MED27: variants seen among roughly 807,000 people sequenced by gnomAD.
MED27 encodes mediator complex subunit 27.
MED27 carries 30 observed loss-of-function variants against 38.2 expected under a neutral mutation model. The observed-to-expected ratio is 0.79, with a 90% confidence interval of 0.59 to 1.07. The LOEUF is 1.07. MED27 is among the 50% of genes least tolerant of loss of function. The pLI is 0.00. For synonymous variants in MED27, 122 were observed against 153.5 expected, an observed-to-expected ratio of 0.79 and a Z score of 1.52; for missense variants, 289 against 397.5, an observed-to-expected ratio of 0.73 and a Z score of 2.32.
At chr9:132,065,293 G>A (rs1213487150) in intron 2 of MED27, among the ~76,000 whole-genome samples, 3 of 152,188 alleles carry the variant, frequency 2.0e-5, no homozygotes, top group Admixed American at 1.3e-4. Flanking sequence ...AGTAATCAGT[G>A]AAGCCTACTG....
chr9:131,899,422 T>C (rs1042909413), intron 4 of MED27, among the ~76,000 whole-genome samples: 4 of 152,150 alleles, frequency 2.6e-5, no homozygotes, highest in African/African-American at 9.7e-5. Flanking sequence ...GGTGGCCATT[T>C]GGTGTGCAAA....
chr9:131,932,036 G>A (rs1257236046), intron 4 of MED27, among the ~76,000 whole-genome samples: 8 of 151,970 alleles, frequency 5.3e-5, no homozygotes, highest in Non-Finnish European at 1.2e-4. Flanking sequence ...AATGACTGCA[G>A]AACACATATT....
At chr9:132,010,151 C>A (rs1832453351) in intron 3 of MED27, among the ~76,000 whole-genome samples, 1 of 152,310 alleles carries the variant, frequency 6.6e-6, no homozygotes, top group African/African-American at 2.4e-5. Context: ...ATGCCTATGT[C>A]CTGAATGGTA....
At chr9:131,907,846 TGTG>T (rs1830100210) in intron 4 of MED27, among the ~76,000 whole-genome samples, 1 of 142,212 alleles carries the variant, frequency 7.0e-6, no homozygotes, top group Non-Finnish European at 1.5e-5. Flanking sequence ...TCGTCTGAGA[TGTG>T]GGGAGCGCCT....
chr9:131,902,332 G>A (rs941575425), intron 4 of MED27, among the ~76,000 whole-genome samples: 1 of 152,110 alleles, frequency 6.6e-6, no homozygotes, highest in Admixed American at 6.5e-5. Flanking sequence ...GCGGCAGCAA[G>A]GGGGATGAGG....
intron 2 of MED27, among the ~76,000 whole-genome samples, chr9:132,044,631 T>C (rs946625635): frequency 6.6e-6 from 1 of 152,248 alleles, no homozygotes; most frequent in Non-Finnish European, 1.5e-5. Flanking sequence ...CTTAACTGCT[T>C]TGCAGTTGGA....
intron 6 of MED27, chr9:131,869,045 C>T (rs1838783274): frequency 1.0e-6 from 1 of 985,444 alleles, no homozygotes. Context: ...TCAAAAAGTC[C>T]AGTATAAAGC....
intron 2 of MED27, among the ~76,000 whole-genome samples, chr9:132,074,915 G>A (rs141777417): frequency 1.4e-4 from 21 of 152,268 alleles, no homozygotes; most frequent in South Asian, 8.3e-4. Flanking sequence ...GCTGCCTAGC[G>A]CCAGAACAGA....
intron 2 of MED27, among the ~76,000 whole-genome samples, chr9:132,053,261 A>T (rs902002056): frequency 1.3e-4 from 20 of 151,790 alleles, no homozygotes; most frequent in East Asian, 3.9e-4. Flanking sequence ...CTCAAAAAAA[A>T]AAAAAAAAGA....
intron 2 of MED27, among the ~76,000 whole-genome samples, chr9:132,063,195 A>T (rs1833736467): frequency 6.6e-6 from 1 of 152,218 alleles, no homozygotes; most frequent in Admixed American, 6.5e-5. Context: ...CAATGTTCCC[A>T]TCTGGGTTGC....
intron 2 of MED27, among the ~76,000 whole-genome samples, chr9:132,031,486 G>T (rs1832959245): frequency 6.6e-6 from 1 of 152,126 alleles, no homozygotes; most frequent in South Asian, 2.1e-4. Context: ...AGGAAAATGT[G>T]GGCAAGTATC....
At chr9:131,914,180 A>C in intron 4 of MED27, among the ~76,000 whole-genome samples, 1 of 152,234 alleles carries the variant, frequency 6.6e-6, no homozygotes, top group East Asian at 1.9e-4. Context: ...TCAGGCACTC[A>C]AAAAGTATTT....
At chr9:132,073,661 A>T (rs1833988542) in intron 2 of MED27, 17 of 1,485,688 alleles carry the variant, frequency 1.1e-5, no homozygotes, top group Non-Finnish European at 1.5e-5. Flanking sequence ...GGATTCTAAT[A>T]AGAACAGTTC....
intron 3 of MED27, among the ~76,000 whole-genome samples, chr9:131,966,884 G>A (rs73553086): frequency 6.6e-6 from 1 of 152,314 alleles, no homozygotes; most frequent in African/African-American, 2.4e-5. Context: ...CAGAGTACTT[G>A]GACTCTAGCA....
chr9:132,070,470 C>T (rs556493023), intron 2 of MED27, among the ~76,000 whole-genome samples: 1 of 152,254 alleles, frequency 6.6e-6, no homozygotes, highest in African/African-American at 2.4e-5. Context: ...TGCAGGAAGA[C>T]CTCTTGAGCC....
At chr9:132,026,646 G>A (rs1339623860) in intron 2 of MED27, among the ~76,000 whole-genome samples, 1 of 152,110 alleles carries the variant, frequency 6.6e-6, no homozygotes, top group Non-Finnish European at 1.5e-5. Context: ...GACATGAATG[G>A]ACATACAAAG....
chr9:131,903,203 C>T (rs571254543), intron 4 of MED27, among the ~76,000 whole-genome samples: 2 of 152,250 alleles, frequency 1.3e-5, no homozygotes, highest in Non-Finnish European at 2.9e-5. Flanking sequence ...ACAATCATGG[C>T]GGAAGGCAAG....
At chr9:131,941,817 A>AATTTTTTTTT (rs1830790529) in intron 3 of MED27, among the ~76,000 whole-genome samples, 1 of 82,514 alleles carries the variant, frequency 1.2e-5, no homozygotes, top group Non-Finnish European at 2.2e-5. Flanking sequence ...ATTCTGCTGA[A>AATTTTTTTTT]TTTTTTTTTT....
chr9:131,962,630 C>T (rs879376285), intron 3 of MED27, among the ~76,000 whole-genome samples: 4 of 151,906 alleles, frequency 2.6e-5, no homozygotes, highest in Non-Finnish European at 5.9e-5. Flanking sequence ...TACATGTAAT[C>T]GAAATTATCC....
Sources: allele counts gnomAD v4.1 joint callset (sites outside exome capture counted in the v4.1 genomes callset), GRCh38; gene constraint gnomAD v4.1.1; transcripts MANE v1.5; gene names NCBI Gene and HGNC (gene_info 2026-07-23, HGNC 2026-07-21).